Variants in FBXO34 observed in about 807,000 individuals in gnomAD.
FBXO34 encodes the protein F-box protein 34, also known as F-box only protein 34.
Under a neutral mutation model 24.5 loss-of-function variants are expected in FBXO34, and 12 were observed. That is an observed-to-expected ratio of 0.49 (90% confidence interval 0.31 to 0.79). The LOEUF (loss-of-function observed/expected upper bound fraction) is 0.79, where lower values mean the gene tolerates loss of function less well. Among genes scored for constraint, FBXO34 ranks in the 30% least tolerant of loss-of-function variants. The probability of loss-of-function intolerance (pLI) is 0.04; values close to 1 mark genes in which losing one functional copy is unlikely to be tolerated. For synonymous variants in FBXO34, 320 were observed against 311.9 expected, an observed-to-expected ratio of 1.03 and a Z score of -0.27; for missense variants, 823 against 857.7, an observed-to-expected ratio of 0.96 and a Z score of 0.51.
chr14:55,275,585 C>T (rs902515292), intron 1 of FBXO34, among the ~76,000 whole-genome samples: 2 of 150,628 alleles, frequency 1.3e-5, no homozygotes, highest in African/African-American at 2.4e-5. Flanking sequence ...GAGGCTGAGG[C>T]GGGCAGAACA....
chr14:55,299,120 A>G (rs1419850419), intron 1 of FBXO34: 3 of 1,289,670 alleles, frequency 2.3e-6, no homozygotes, highest in South Asian at 2.4e-5. Flanking sequence ...TAGAAGAACT[A>G]GAACAGGAGG....
the FBXO34 span, chr14:55,413,624 T>C: frequency 3.5e-5 from 15 of 429,200 alleles, no homozygotes; most frequent in African/African-American, 2.5e-4. Context: ...TAAGTGCTTG[T>C]CTGGGTGGAG....
chr14:55,309,326 G>A (rs2139738183), intron 1 of FBXO34, among the ~76,000 whole-genome samples: 1 of 152,272 alleles, frequency 6.6e-6, no homozygotes, highest in East Asian at 1.9e-4. Flanking sequence ...GGATGGGGGA[G>A]ATGTCTCTAC....
rs868775140 is a variant in FBXO34 at position 55,331,707 on chromosome 14, A to G, written c.-10-18674A>G. 5.3e-3 allele frequency among the ~76,000 whole-genome samples: 347 copies of G among 65,892 alleles called. 87 individuals are homozygous for G. Among genetic ancestry groups the G allele is most frequent in the African/African-American group, 0.046 (290 of 6,266 alleles). 43.2% of individuals were successfully genotyped at this position (65,892 alleles called of 152,430 possible). On this transcript the variant is annotated intron_variant, in intron 1 of 1. Transcript: ENST00000313833. ...TATGTGTATATATATATATATATGT[A>G]TATATATATGTATATATATATGTAT...
chr14:55,318,706 T>A lies in FBXO34; in HGVS notation c.-10-31675T>A, dbSNP rs1032846933. The stretch of plus-strand genomic sequence containing the variant: ...TTTTTTATATGGATGTATGAGGAGA[T>A]AAGAAAACACACAAAATAGTTTCAG... On this transcript the variant is annotated intron_variant, in intron 1 of 1. Coordinates refer to ENST00000313833, the MANE Select transcript of FBXO34 (RefSeq NM_017943.4). Among the ~76,000 whole-genome samples the A allele has an allele frequency of 2.0e-5, 3 of 152,022 alleles. No individual in the cohort carries two copies. The South Asian group carries it at 6.2e-4, about 32-fold the overall frequency.
the FBXO34 span, chr14:55,411,628 G>A: frequency 1.2e-6 from 2 of 1,612,352 alleles, no homozygotes; most frequent in Non-Finnish European, 1.7e-6. Context: ...CGTCGAAGTA[G>A]ACGAAATCGC....
downstream of FBXO34, among the ~76,000 whole-genome samples, chr14:55,363,025 T>G (rs72717729): frequency 5.6e-5 from 4 of 71,618 alleles, no homozygotes; most frequent in Non-Finnish European, 1.4e-4. Flanking sequence ...CTCTCTCTCT[T>G]TTTTTTTTTT....
the FBXO34 span, among the ~76,000 whole-genome samples, chr14:55,407,375 C>T: frequency 1.3e-3 from 201 of 152,238 alleles, no homozygotes; most frequent in Middle Eastern, 0.01. Context: ...GTAATCTGCC[C>T]GCCTCAGCCT....
chr14:55,434,115 A>C, the FBXO34 span, among the ~76,000 whole-genome samples: 2 of 152,244 alleles, frequency 1.3e-5, no homozygotes, highest in Non-Finnish European at 2.9e-5. Flanking sequence ...ACTTTGACAC[A>C]CTTCCTTTTT....
intron 1 of FBXO34, among the ~76,000 whole-genome samples, chr14:55,314,509 G>T (rs751043640): frequency 4.0e-5 from 6 of 148,910 alleles, no homozygotes; most frequent in Middle Eastern, 3.4e-3. Context: ...CTCCCCTTGA[G>T]TCTGTTCCCT....
At chr14:55,313,248 TGA>T (rs1425280345) in intron 1 of FBXO34, among the ~76,000 whole-genome samples, 1 of 152,216 alleles carries the variant, frequency 6.6e-6, no homozygotes, top group African/African-American at 2.4e-5. Context: ...TAAAACATAC[TGA>T]GAGTCACCTT....
At chr14:55,377,583 A>C in the FBXO34 span, among the ~76,000 whole-genome samples, 2 of 152,190 alleles carry the variant, frequency 1.3e-5, no homozygotes, top group Admixed American at 1.3e-4. Context: ...GGGTTCTTCA[A>C]CTGCGCTTCA....
chr14:55,284,622 T>C (rs1394428300), intron 1 of FBXO34, among the ~76,000 whole-genome samples: 1 of 47,368 alleles, frequency 2.1e-5, no homozygotes, highest in Non-Finnish European at 3.9e-5. Context: ...ATTTTGTTAC[T>C]TTTTTTTTTT....
At chr14:55,387,314 T>G in the FBXO34 span, among the ~76,000 whole-genome samples, 1 of 152,206 alleles carries the variant, frequency 6.6e-6, no homozygotes, top group African/African-American at 2.4e-5. Flanking sequence ...TTCTGCAAGA[T>G]GGAACCACTT....
chr14:55,438,052 A>C, the FBXO34 span, among the ~76,000 whole-genome samples: 1 of 152,188 alleles, frequency 6.6e-6, no homozygotes, highest in African/African-American at 2.4e-5. Flanking sequence ...GAAAAAATCG[A>C]TTAGCTTGAT....
chr14:55,438,038 A>G, the FBXO34 span, among the ~76,000 whole-genome samples: 1 of 152,204 alleles, frequency 6.6e-6, no homozygotes, highest in African/African-American at 2.4e-5. Context: ...GGACTTTATT[A>G]TGGGAAAAAA....
At chr14:55,402,130 T>C in the FBXO34 span, among the ~76,000 whole-genome samples, 10 of 152,146 alleles carry the variant, frequency 6.6e-5, no homozygotes, top group African/African-American at 2.4e-4. Flanking sequence ...AGACTATTAA[T>C]TCTGTGCTAG....
At chr14:55,422,832 A>G in the FBXO34 span, among the ~76,000 whole-genome samples, 2 of 152,140 alleles carry the variant, frequency 1.3e-5, no homozygotes, top group South Asian at 2.1e-4. Context: ...CAGCCTGGGC[A>G]ACAGAGTGAG....
At chr14:55,334,333 T>C (rs1883698961) in intron 1 of FBXO34, among the ~76,000 whole-genome samples, 1 of 152,222 alleles carries the variant, frequency 6.6e-6, no homozygotes, top group Non-Finnish European at 1.5e-5. Flanking sequence ...TAGGGTTTGA[T>C]GCACATTCAC....
Sources: allele counts gnomAD v4.1 joint callset (sites outside exome capture counted in the v4.1 genomes callset), GRCh38; gene constraint gnomAD v4.1.1; transcripts MANE v1.5; gene names NCBI Gene and HGNC (gene_info 2026-07-23, HGNC 2026-07-21).